Variants in SLC24A3 observed in about 807,000 individuals in gnomAD.
The protein encoded by SLC24A3 is solute carrier family 24 member 3.
SLC24A3 carries 28 observed loss-of-function variants against 75.8 expected under a neutral mutation model. That is an observed-to-expected ratio of 0.37 (90% CI 0.27 to 0.51). SLC24A3 has a LOEUF of 0.51. Ranked by LOEUF, SLC24A3 falls within the 20% of genes least tolerant of loss-of-function variation. The pLI, the probability that SLC24A3 is intolerant of heterozygous loss-of-function variation, is 0.94. For missense variants in SLC24A3, 663 were observed against 847.8 expected (o/e 0.78, Z 2.71); for synonymous variants, 372 against 334.1 (o/e 1.11, Z -1.24).
Position 19,684,481 on chromosome 20 carries a change from C to A in SLC24A3, c.1062+145C>A. 3.2e-6 allele frequency: 3 copies of A among 936,412 alleles called. No individual in the cohort carries two copies. In the South Asian group the frequency reaches 5.7e-5, roughly 18 times the overall value. The allele number at this position is 936,412 out of a possible 1,614,324, so 58.0% of individuals were successfully genotyped here. A position where few individuals can be genotyped will look rare whatever the true frequency, so the allele number is the denominator to read the frequency against. ...CTCAGCCATTTCCTAATCTTAGTTC[C>A]CTGGGCCAGCTGTATATCTGGCCCT... On this transcript the variant is annotated intron_variant, in intron 11 of 16. Transcript: ENST00000328041.
chr20:19,553,901 G>A (rs1426803856), intron 3 of SLC24A3, among the ~76,000 whole-genome samples: 1 of 152,168 alleles, frequency 6.6e-6, no homozygotes, highest in Non-Finnish European at 1.5e-5. Flanking sequence ...ACTTACATTG[G>A]CAGAGTAGAC....
At chr20:19,442,336 A>G (rs6035337) in intron 2 of SLC24A3, among the ~76,000 whole-genome samples, 12,646 of 152,240 alleles carry the variant, frequency 0.083, 1,676 homozygotes, top group African/African-American at 0.28. Context: ...AGTAATGAAT[A>G]AAAGTTTCTG....
chr20:19,589,192 G>A (rs1269534378), intron 6 of SLC24A3, among the ~76,000 whole-genome samples: 1 of 152,246 alleles, frequency 6.6e-6, no homozygotes, highest in Non-Finnish European at 1.5e-5. Flanking sequence ...TGGAAGGAAG[G>A]CAAGGAAGAG....
At chr20:19,254,249 T>G (rs1406954025) in intron 1 of SLC24A3, among the ~76,000 whole-genome samples, 6 of 152,196 alleles carry the variant, frequency 3.9e-5, no homozygotes, top group African/African-American at 1.4e-4. Flanking sequence ...CTGGCTTCAT[T>G]TGTGAGGTCA....
At chr20:19,719,266 T>C (rs879476213) in intron 16 of SLC24A3, among the ~76,000 whole-genome samples, 1 of 152,182 alleles carries the variant, frequency 6.6e-6, no homozygotes, top group Non-Finnish European at 1.5e-5. Flanking sequence ...AACTCTTTCA[T>C]GTTATCTGAC....
At chr20:19,551,478 A>C (rs529537966) in intron 3 of SLC24A3, among the ~76,000 whole-genome samples, 1 of 152,330 alleles carries the variant, frequency 6.6e-6, no homozygotes, top group Admixed American at 6.5e-5. Context: ...TTTTAAATGA[A>C]TTATGACTCC....
chr20:19,390,938 G>A (rs1986354854), intron 2 of SLC24A3, among the ~76,000 whole-genome samples: 1 of 152,132 alleles, frequency 6.6e-6, no homozygotes, highest in Admixed American at 6.5e-5. Flanking sequence ...AAGTGTAGCA[G>A]GTCTGAGGGC....
intron 3 of SLC24A3, among the ~76,000 whole-genome samples, chr20:19,541,746 G>A (rs558261983): frequency 1.3e-5 from 2 of 152,218 alleles, no homozygotes; most frequent in Admixed American, 6.5e-5. Context: ...AAAAAGTCAG[G>A]GAAATGTGCT....
intron 6 of SLC24A3, among the ~76,000 whole-genome samples, chr20:19,652,657 C>T (rs1460359299): frequency 6.6e-6 from 1 of 152,166 alleles, no homozygotes; most frequent in Admixed American, 6.5e-5. Context: ...GTGGGGAATG[C>T]GTTAATGGAA....
chr20:19,356,284 T>A (rs764759958), intron 2 of SLC24A3, among the ~76,000 whole-genome samples: 1 of 152,244 alleles, frequency 6.6e-6, no homozygotes, highest in East Asian at 1.9e-4. Flanking sequence ...TGCACACAGT[T>A]TCAATCTGTT....
At chr20:19,695,256 G>A (rs543804832) in intron 13 of SLC24A3, among the ~76,000 whole-genome samples, 1 of 152,248 alleles carries the variant, frequency 6.6e-6, no homozygotes, top group African/African-American at 2.4e-5. Flanking sequence ...CTCAAGGGCT[G>A]GCCCAGGAGG....
At chr20:19,469,312 T>C (rs6075514) in intron 2 of SLC24A3, among the ~76,000 whole-genome samples, 82,233 of 151,962 alleles carry the variant, frequency 0.54, 22,434 homozygotes, top group Non-Finnish European at 0.56. Context: ...AATGGTTTGG[T>C]GGCAGCAGTG....
At chr20:19,475,237 G>C (rs892771913) in intron 2 of SLC24A3, among the ~76,000 whole-genome samples, 1 of 152,030 alleles carries the variant, frequency 6.6e-6, no homozygotes, top group Non-Finnish European at 1.5e-5. Context: ...TACTCGGGAG[G>C]CTGAGGCAGG....
chr20:19,288,595 CAT>C (rs1216075061), intron 2 of SLC24A3, among the ~76,000 whole-genome samples: 1 of 152,174 alleles, frequency 6.6e-6, no homozygotes, highest in Non-Finnish European at 1.5e-5. Flanking sequence ...CTCATTGGAA[CAT>C]GTTTGGCTCT....
intron 2 of SLC24A3, among the ~76,000 whole-genome samples, chr20:19,322,560 G>A (rs1392374277): frequency 6.6e-6 from 1 of 152,100 alleles, no homozygotes; most frequent in African/African-American, 2.4e-5. Flanking sequence ...TCTTTCCTGT[G>A]TGGGTATTTT....
At chr20:19,365,540 T>C (rs6046024) in intron 2 of SLC24A3, among the ~76,000 whole-genome samples, 34,231 of 152,130 alleles carry the variant, frequency 0.23, 9,046 homozygotes, top group African/African-American at 0.62. Flanking sequence ...GTGATCTGGC[T>C]GATAAGGGGC....
intron 2 of SLC24A3, among the ~76,000 whole-genome samples, chr20:19,398,894 G>T (rs1049761434): frequency 6.6e-6 from 1 of 152,124 alleles, no homozygotes; most frequent in African/African-American, 2.4e-5. Context: ...TTATTTTTTA[G>T]TTGGTAGAAC....
At chr20:19,446,860 G>A (rs887384688) in intron 2 of SLC24A3, among the ~76,000 whole-genome samples, 5 of 152,328 alleles carry the variant, frequency 3.3e-5, no homozygotes, top group Non-Finnish European at 4.4e-5. Flanking sequence ...AGTGCTCGTC[G>A]TCAGCTGCAG....
Position 19,325,795 on chromosome 20 carries a change from T to TATATATATATAG in SLC24A3, c.271+44709_271+44710insTATATATATAGA, listed in dbSNP as rs1251419875. On this transcript the variant is annotated intron_variant, in intron 2 of 16. Coordinates refer to ENST00000328041, the MANE Select transcript of SLC24A3 (RefSeq NM_020689.4). ...ATATATACATATATATATATATATA[T>TATATATATATAG]AGAGAGAGAGAGAGAGAGAGAGAGA... Among the ~76,000 whole-genome samples the TATATATATATAG allele has an allele frequency of 1.4e-3, 92 of 67,792 alleles. 1 individual carries two copies. Among genetic ancestry groups the TATATATATATAG allele is most frequent in the East Asian group, 3.8e-3 (6 of 1,596 alleles). 44.5% of individuals were successfully genotyped at this position (67,792 alleles called of 152,430 possible).
Sources: allele counts gnomAD v4.1 joint callset (sites outside exome capture counted in the v4.1 genomes callset), GRCh38; gene constraint gnomAD v4.1.1; transcripts MANE v1.5; gene names NCBI Gene and HGNC (gene_info 2026-07-23, HGNC 2026-07-21).